Variants in CDH12 observed in about 807,000 individuals in gnomAD.
The protein encoded by CDH12 is cadherin 12.
A neutral mutation model predicts 74.1 loss-of-function variants in CDH12; 41 were observed. The observed-to-expected ratio is 0.55, with a 90% confidence interval of 0.43 to 0.72. CDH12 has a LOEUF of 0.72. CDH12 is among the 30% of genes least tolerant of loss of function. The pLI, the probability that CDH12 is intolerant of heterozygous loss-of-function variation, is 0.00. For synonymous variants in CDH12, 399 were observed against 355.0 expected (o/e 1.12, Z -1.39); for missense variants, 945 against 977.2 (o/e 0.97, Z 0.44).
intron 4 of CDH12, among the ~76,000 whole-genome samples, chr5:22,124,408 G>A (rs1745720648): frequency 2.6e-5 from 4 of 152,282 alleles, no homozygotes; most frequent in Admixed American, 2.6e-4. Flanking sequence ...ACAGGCGTGA[G>A]CCACCATGCC....
At chr5:21,763,066 C>T (rs1579654368) in intron 12 of CDH12, among the ~76,000 whole-genome samples, 2 of 152,196 alleles carry the variant, frequency 1.3e-5, no homozygotes, top group South Asian at 2.1e-4. Flanking sequence ...CCATATAAAT[C>T]GTGGATGCAC....
chr5:22,244,990 C>A (rs575419797), intron 3 of CDH12, among the ~76,000 whole-genome samples: 6 of 152,030 alleles, frequency 3.9e-5, no homozygotes, highest in Admixed American at 3.9e-4. Flanking sequence ...AGTGAAGGGA[C>A]CTTGAAGCAG....
intron 3 of CDH12, among the ~76,000 whole-genome samples, chr5:22,354,007 C>G (rs1740460913): frequency 6.6e-6 from 1 of 152,202 alleles, no homozygotes; most frequent in Non-Finnish European, 1.5e-5. Context: ...AAAGGAGAGA[C>G]CAGTAATGAA....
At chr5:22,843,914 A>G (rs1428304816) in intron 1 of CDH12, among the ~76,000 whole-genome samples, 1 of 152,014 alleles carries the variant, frequency 6.6e-6, no homozygotes, top group East Asian at 1.9e-4. Flanking sequence ...AGTACATTCA[A>G]TGTCCACCAG....
intron 6 of CDH12, among the ~76,000 whole-genome samples, chr5:21,880,269 T>C (rs971820288): frequency 6.6e-6 from 1 of 152,220 alleles, no homozygotes; most frequent in Non-Finnish European, 1.5e-5. Flanking sequence ...ACCTTACCCT[T>C]CAGTCAACAG....
chr5:22,622,879 T>G (rs1738053020), intron 1 of CDH12, among the ~76,000 whole-genome samples: 1 of 152,086 alleles, frequency 6.6e-6, no homozygotes, highest in Non-Finnish European at 1.5e-5. Context: ...AAAGAGAATT[T>G]TAGACCAATA....
At chr5:21,997,791 C>A (rs928244968) in intron 5 of CDH12, among the ~76,000 whole-genome samples, 8 of 152,160 alleles carry the variant, frequency 5.3e-5, no homozygotes, top group African/African-American at 1.7e-4. Context: ...TAAGCGAAAT[C>A]GATCTGCAAA....
At chr5:21,991,528 AGGT>A (rs371270582) in intron 5 of CDH12, among the ~76,000 whole-genome samples, 6 of 145,346 alleles carry the variant, frequency 4.1e-5, no homozygotes, top group South Asian at 4.3e-4. Context: ...TTATATATAT[AGGT>A]TATATATAAT....
rs886986455 is a variant in CDH12 at position 21,977,986 on chromosome 5, A to G, written c.232-2601T>C. Among the ~76,000 whole-genome samples the G allele has an allele frequency of 2.0e-4, 30 of 152,290 alleles. No homozygotes were observed. In the South Asian group the frequency reaches 5.2e-3, roughly 26 times the overall value. ...ATTAGGCAGATGGGTGGTAGCCTAA[A>G]GTATAGACATTTTTCCAATATTAAT... On this transcript the variant is annotated intron_variant, in intron 5 of 14. Transcript: ENST00000382254.
intron 3 of CDH12, among the ~76,000 whole-genome samples, chr5:22,298,874 C>A (rs1326344753): frequency 6.6e-6 from 1 of 152,182 alleles, no homozygotes; most frequent in African/African-American, 2.4e-5. Flanking sequence ...TTTTCCACTT[C>A]CTCTTGACTC....
At chr5:22,829,655 G>A (rs371921023) in intron 1 of CDH12, among the ~76,000 whole-genome samples, 10 of 152,168 alleles carry the variant, frequency 6.6e-5, no homozygotes, top group African/African-American at 2.4e-4. Context: ...TCACTTTGGC[G>A]TGGACCTTTT....
intron 5 of CDH12, among the ~76,000 whole-genome samples, chr5:22,055,494 A>G (rs1336821465): frequency 1.3e-5 from 2 of 152,028 alleles, no homozygotes; most frequent in East Asian, 3.9e-4. Context: ...GCTCTTTTCC[A>G]TTTCTCTAAA....
chr5:22,018,585 T>A (rs995184470), intron 5 of CDH12, among the ~76,000 whole-genome samples: 1 of 152,214 alleles, frequency 6.6e-6, no homozygotes, highest in African/African-American at 2.4e-5. Context: ...GAGGCTATAC[T>A]TCCAATTACA....
intron 1 of CDH12, among the ~76,000 whole-genome samples, chr5:22,631,368 G>C (rs1176479502): frequency 2.0e-5 from 3 of 152,120 alleles, no homozygotes; most frequent in African/African-American, 7.2e-5. Context: ...CACAATATTA[G>C]AGACACAGAA....
chr5:22,673,998 G>T (rs913187570), intron 1 of CDH12, among the ~76,000 whole-genome samples: 1 of 152,148 alleles, frequency 6.6e-6, no homozygotes, highest in African/African-American at 2.4e-5. Flanking sequence ...ACTATTTTGA[G>T]AAGTTTTCTC....
intron 9 of CDH12, among the ~76,000 whole-genome samples, chr5:21,810,140 A>T (rs1747669037): frequency 6.6e-6 from 1 of 152,126 alleles, no homozygotes; most frequent in African/African-American, 2.4e-5. Flanking sequence ...TGCAGAAGTT[A>T]GTAATAGAAA....
intron 6 of CDH12, among the ~76,000 whole-genome samples, chr5:21,913,321 C>T (rs936937511): frequency 6.6e-6 from 1 of 152,024 alleles, no homozygotes; most frequent in Non-Finnish European, 1.5e-5. Context: ...TAAGCCATTA[C>T]AATAATCATC....
intron 1 of CDH12, among the ~76,000 whole-genome samples, chr5:22,628,887 G>T (rs984058254): frequency 6.6e-6 from 1 of 151,110 alleles, no homozygotes; most frequent in Non-Finnish European, 1.5e-5. Flanking sequence ...ATATCCAAAT[G>T]AATACAATCA....
intron 1 of CDH12, among the ~76,000 whole-genome samples, chr5:22,519,111 C>A (rs775512087): frequency 8.6e-5 from 13 of 152,036 alleles, no homozygotes; most frequent in Non-Finnish European, 1.9e-4. Context: ...CATGTCAGAC[C>A]AGATTGGGGT....
Sources: gnomAD v4.1 joint callset for allele counts (sites outside exome capture counted in the v4.1 genomes callset) on GRCh38, gnomAD v4.1.1 for gene constraint, MANE v1.5 for transcripts, NCBI Gene and HGNC (gene_info 2026-07-23, HGNC 2026-07-21) for gene names.